ORC5: variants seen among roughly 807,000 people sequenced by gnomAD.
ORC5 encodes the protein origin recognition complex subunit 5.
A neutral mutation model predicts 58.8 loss-of-function variants in ORC5; 39 were observed. That is an observed-to-expected ratio of 0.66 (90% confidence interval 0.51 to 0.87). The LOEUF (loss-of-function observed/expected upper bound fraction) is 0.87. Among genes scored for constraint, ORC5 ranks in the 40% least tolerant of loss-of-function variants. The pLI is 0.00. For missense variants in ORC5, 493 were observed against 506.3 expected (o/e 0.97, Z 0.25); for synonymous variants, 218 against 177.6 (o/e 1.23, Z -1.81).
At chr7:104,191,700 T>C (rs934858158) in intron 5 of ORC5, among the ~76,000 whole-genome samples, 1 of 152,040 alleles carries the variant, frequency 6.6e-6, no homozygotes. Context: ...TCTAACAGTC[T>C]AGGACTATTC....
At chr7:104,177,308 T>C (rs971452386) in intron 8 of ORC5, among the ~76,000 whole-genome samples, 2 of 152,230 alleles carry the variant, frequency 1.3e-5, no homozygotes, top group Non-Finnish European at 2.9e-5. Context: ...CATAAGTTTG[T>C]TCTTGGCTTC....
rs79235458 is a variant in ORC5 at position 104,187,933 on chromosome 7, T to G, written c.684+318A>C. On this transcript the variant is annotated intron_variant, in intron 6 of 13. Coordinates refer to ENST00000297431, the MANE Select transcript of ORC5 (RefSeq NM_002553.4). ...AAGTTTTTACATCTCTTTTCTGTTA[T>G]TCCTCATTTTGATTTTTATGGAGTT... 2.3e-3 allele frequency: 2,298 copies of G among 1,004,602 alleles called. 48 individuals carry two copies. In the African/African-American group the frequency reaches 0.036, roughly 16 times the overall value. The allele number at this position is 1,004,602 out of a possible 1,614,324, so 62.2% of individuals were successfully genotyped here.
At chr7:104,162,885 G>A (rs10487189) in intron 11 of ORC5, among the ~76,000 whole-genome samples, 4,348 of 152,038 alleles carry the variant, frequency 0.029, 186 homozygotes, top group African/African-American at 0.099. Context: ...TTATACTACC[G>A]CATATGTATC....
intron 8 of ORC5, among the ~76,000 whole-genome samples, chr7:104,177,438 T>C (rs1562819792): frequency 6.6e-6 from 1 of 152,104 alleles, no homozygotes; most frequent in African/African-American, 2.4e-5. Context: ...GTGACAAAAT[T>C]TCTTGCTTCC....
intron 1 of ORC5, among the ~76,000 whole-genome samples, chr7:104,204,901 T>A (rs747337047): frequency 6.6e-6 from 1 of 152,140 alleles, no homozygotes; most frequent in African/African-American, 2.4e-5. Context: ...TCTGGTCTAG[T>A]TAATACTACA....
At chr7:104,174,927 G>A (rs1799292557) in intron 8 of ORC5, among the ~76,000 whole-genome samples, 1 of 152,162 alleles carries the variant, frequency 6.6e-6, no homozygotes, top group Non-Finnish European at 1.5e-5. Flanking sequence ...CAACCACAAG[G>A]GAAGAATCAG....
chr7:104,140,673 T>G (rs1183320507), intron 12 of ORC5, among the ~76,000 whole-genome samples: 1 of 152,212 alleles, frequency 6.6e-6, no homozygotes, highest in Non-Finnish European at 1.5e-5. Context: ...CCACCCTGCC[T>G]GTTCTGCCCA....
At chr7:104,152,931 A>G (rs1798869358) in intron 12 of ORC5, among the ~76,000 whole-genome samples, 2 of 152,266 alleles carry the variant, frequency 1.3e-5, no homozygotes, top group South Asian at 4.1e-4. Flanking sequence ...ATTTTTCTAG[A>G]GTTCAGTAAA....
At chr7:104,167,589 A>G (rs1230278262) in intron 9 of ORC5, among the ~76,000 whole-genome samples, 3 of 152,204 alleles carry the variant, frequency 2.0e-5, no homozygotes, top group Admixed American at 1.3e-4. Flanking sequence ...GAATGGATAA[A>G]TATTAAAACA....
rs542453845 is a variant in ORC5, at chr7:104,166,893, C to A, written c.878-9G>T. The A allele has an allele frequency of 2.7e-6, 4 of 1,480,142 alleles. No individual in the cohort carries two copies. In the African/African-American group the frequency reaches 4.2e-5, roughly 15 times the overall value. 91.7% of individuals were successfully genotyped at this position (1,480,142 alleles called of 1,614,324 possible). A position where few individuals can be genotyped will look rare whatever the true frequency, so the allele number is the denominator to read the frequency against. On this transcript the variant is annotated splice_polypyrimidine_tract_variant and intron_variant, in intron 9 of 13. Transcript: ENST00000297431. ...AGTATGCGCTGAGAGGCCTATATAA[C>A]AAAACACTTTGATGAAGTACTTATT...
rs1798589580 is a variant in ORC5, at chr7:104,136,473, T to C, written c.1262+308A>G. ...CTTAAGCCAGCTCTCTCCCATCTTATTTCAATACAAGAGAGTTTTCTGTAG... is the reference window on the plus strand; with the variant it reads ...CTTAAGCCAGCTCTCTCCCATCTTACTTCAATACAAGAGAGTTTTCTGTAG... On this transcript the variant is annotated intron_variant, in intron 13 of 13. Coordinates refer to ENST00000297431, the MANE Select transcript of ORC5 (RefSeq NM_002553.4). This position sits in a 1 kb window ranked among gnomAD's most constrained non-coding sequence, Gnocchi z 4.2. Among the ~76,000 whole-genome samples the C allele has an allele frequency of 6.6e-6, 1 of 152,222 alleles. No homozygotes were observed. The highest frequency in any genetic ancestry group is 2.1e-4 in the South Asian group (1 of 4,834).
rs532404615 is a variant in ORC5, at chr7:104,130,042, T to C, written c.1263-3149A>G. ...GTTTCCTTTTACTTTTGTGGGCAGTTTGAGTTTGAGATTTTTTTAATTTTT... is the reference window on the plus strand; with the variant it reads ...GTTTCCTTTTACTTTTGTGGGCAGTCTGAGTTTGAGATTTTTTTAATTTTT... On this transcript the variant is annotated intron_variant, in intron 13 of 13. Coordinates refer to ENST00000297431, the MANE Select transcript of ORC5 (RefSeq NM_002553.4). 7.2e-4 allele frequency among the ~76,000 whole-genome samples: 109 copies of C among 152,274 alleles called. 2 individuals are homozygous for C. Among genetic ancestry groups the C allele is most frequent in the Admixed American group, 5.6e-3 (86 of 15,296 alleles).
intron 1 of ORC5, among the ~76,000 whole-genome samples, chr7:104,206,332 C>A (rs1012869843): frequency 6.6e-6 from 1 of 152,116 alleles, no homozygotes; most frequent in Admixed American, 6.5e-5. Flanking sequence ...ATGCACAGCA[C>A]CTTGCAGAAA....
At chr7:104,177,066 A>C (rs890823028) in intron 8 of ORC5, among the ~76,000 whole-genome samples, 17 of 152,242 alleles carry the variant, frequency 1.1e-4, no homozygotes, top group Admixed American at 1.1e-3. Flanking sequence ...TTAGGTGAAC[A>C]CCTGATATTC....
intron 8 of ORC5, among the ~76,000 whole-genome samples, chr7:104,176,045 C>T (rs1639008817): frequency 6.6e-6 from 1 of 152,154 alleles, no homozygotes; most frequent in African/African-American, 2.4e-5. Flanking sequence ...CATAAGATTG[C>T]CTACTGGGAC....
In ORC5 at chr7:104,161,541, T is replaced by C. The variant is rs148317582; in HGVS notation, c.1039-359A>G. On this transcript the variant is annotated intron_variant, in intron 11 of 13. Transcript: ENST00000297431. ...ACACACCGCAATGTTTGGGTATTTTTACAAATTATTTTGTAAAGACAGGGT... is the reference window on the plus strand; with the variant it reads ...ACACACCGCAATGTTTGGGTATTTTCACAAATTATTTTGTAAAGACAGGGT... Among the ~76,000 whole-genome samples, 92 of 152,224 alleles carry C rather than the reference T, an allele frequency of 6.0e-4. 2 individuals are homozygous for C. The South Asian group carries it at 0.016, about 27-fold the overall frequency.
At chr7:104,167,510 T>C (rs1406677518) in intron 9 of ORC5, among the ~76,000 whole-genome samples, 4 of 152,184 alleles carry the variant, frequency 2.6e-5, no homozygotes, top group Non-Finnish European at 4.4e-5. Flanking sequence ...ACAATACTAT[T>C]TGTTGAAGGA....
chr7:104,173,489 A>G (rs1799254668), intron 8 of ORC5, among the ~76,000 whole-genome samples: 3 of 152,304 alleles, frequency 2.0e-5, no homozygotes, highest in Admixed American at 1.3e-4. Context: ...GGAATCAGCA[A>G]TTCTTAGAAC....
chr7:104,179,185 G>A (rs1274807804), intron 8 of ORC5, among the ~76,000 whole-genome samples: 1 of 149,590 alleles, frequency 6.7e-6, no homozygotes, highest in African/African-American at 2.5e-5. Flanking sequence ...CCATGCTCAA[G>A]CAATTGTCCT....
Sources: gnomAD v4.1 joint callset for allele counts (sites outside exome capture counted in the v4.1 genomes callset) on GRCh38, gnomAD v4.1.1 for gene constraint, Gnocchi (gnomAD v3.1) non-coding constraint, MANE v1.5 for transcripts, NCBI Gene and HGNC (gene_info 2026-07-23, HGNC 2026-07-21) for gene names.